SMIM27: variants seen among roughly 807,000 people sequenced by gnomAD.
The protein encoded by SMIM27 is TOPORS antisense RNA 1 (non-protein coding).
A neutral mutation model predicts 1.8 loss-of-function variants in SMIM27; 3 were observed. The observed-to-expected ratio is 1.65, with a 90% CI of 0.75 to 4.28. SMIM27 has a LOEUF of 4.28. Ranked by LOEUF, SMIM27 falls within the 30% of genes most tolerant of loss-of-function variation. The pLI, the probability that SMIM27 is intolerant of heterozygous loss-of-function variation, is 0.02. For synonymous variants in SMIM27, 19 were observed against 13.9 expected, an observed-to-expected ratio of 1.37 and a Z score of -0.82; for missense variants, 63 against 37.0, an observed-to-expected ratio of 1.70 and a Z score of -1.83.
intron 1 of SMIM27, among the ~76,000 whole-genome samples, chr9:32,560,560 T>A (rs1821597436): frequency 6.6e-6 from 1 of 152,214 alleles, no homozygotes; most frequent in Non-Finnish European, 1.5e-5. Flanking sequence ...TAACAGAGGT[T>A]TTAAAAAATT....
intron 1 of SMIM27, chr9:32,565,291 CAA>C (rs373202494): frequency 3.7e-5 from 5 of 136,524 alleles, no homozygotes; most frequent in Non-Finnish European, 3.2e-5. Context: ...GACCCTGTCT[CAA>C]AAAAAAAAAA....
upstream of SMIM27, chr9:32,551,772 A>G (rs1391682222): frequency 2.2e-6 from 1 of 451,578 alleles, no homozygotes; most frequent in Non-Finnish European, 4.5e-6. Flanking sequence ...GACACGCTCA[A>G]CAAACACTTG....
intron 1 of SMIM27, among the ~76,000 whole-genome samples, chr9:32,558,588 T>G (rs150593684): frequency 6.6e-6 from 1 of 152,202 alleles, no homozygotes; most frequent in African/African-American, 2.4e-5. Flanking sequence ...CCCTAAGCTC[T>G]TTACCCAACA....
upstream of SMIM27, chr9:32,551,709 A>G: frequency 2.6e-6 from 1 of 387,302 alleles, no homozygotes; most frequent in Admixed American, 2.6e-5. Flanking sequence ...CTCGCCCACC[A>G]AACTGCCGTG....
chr9:32,552,232 A>G, upstream of SMIM27: 1 of 672,510 alleles, frequency 1.5e-6, no homozygotes, highest in Non-Finnish European at 2.6e-6. Flanking sequence ...CCTCTCTAAA[A>G]GGCGGGCAAG....
chr9:32,552,445 T>G lies in SMIM27; in HGVS notation c.11T>G (p.Val4Gly), dbSNP rs367955235. The stretch of plus-strand genomic sequence containing the variant: ...TGCCGCCTCCTTACCATGAAGCCAG[T>G]AAGTCGTCGCACGCTGGACTGGATT... The part of the protein sequence containing the change: MKP[V>G]SRRTLDWIYS... Residue 4 changes from valine to glycine, a missense_variant, in exon 1 of 2, where the codon GTA (valine) becomes GGA (glycine). Transcript: ENST00000692500. 1.9e-6 allele frequency: 3 copies of G among 1,607,130 alleles called. No individual in the cohort carries two copies. The highest frequency in any genetic ancestry group is 2.5e-6 in the Non-Finnish European group (3 of 1,177,188).
chr9:32,560,348 T>C lies in SMIM27; in HGVS notation c.46-6043T>C, dbSNP rs144039609. ...ACATTACTGTATTAAATTGTCAACC[T>C]AGTGACTGCAGTTTGTTAAATTTGC... On this transcript the variant is annotated intron_variant, in intron 1 of 1. Coordinates refer to the SMIM27 transcript ENST00000451672. Among the ~76,000 whole-genome samples, 9 of 152,358 alleles carry C rather than the reference T, an allele frequency of 5.9e-5. No homozygotes were observed. In the East Asian group the frequency reaches 1.7e-3, roughly 29 times the overall value.
intron 1 of SMIM27, among the ~76,000 whole-genome samples, chr9:32,561,575 C>T (rs1446381206): frequency 1.3e-5 from 2 of 152,106 alleles, no homozygotes; most frequent in African/African-American, 4.8e-5. Flanking sequence ...GCAATCCACC[C>T]GCCTCAGCCT....
At chr9:32,555,252 T>A (rs974984209), downstream of SMIM27, among the ~76,000 whole-genome samples, 1 of 151,950 alleles carries the variant, frequency 6.6e-6, no homozygotes, top group Non-Finnish European at 1.5e-5. Flanking sequence ...ATCTAAAAAA[T>A]AAATAAAAAA....
chr9:32,563,637 C>G lies in SMIM27; in HGVS notation c.46-2754C>G, dbSNP rs536932499. 4.3e-4 allele frequency among the ~76,000 whole-genome samples: 65 copies of G among 152,112 alleles called. 1 individual carries two copies. The highest frequency in any genetic ancestry group is 3.4e-3 in the Admixed American group (52 of 15,266). ...CTGTGCCCAGACTAATGTTAGCATC[C>G]TTTGATGTTCCTTAGCTGAATTAAA... is the stretch of plus-strand genomic sequence containing the variant. On this transcript the variant is annotated intron_variant, in intron 1 of 1. Coordinates refer to the SMIM27 transcript ENST00000451672.
intron 1 of SMIM27, among the ~76,000 whole-genome samples, chr9:32,558,074 C>G (rs1821518822): frequency 6.6e-6 from 1 of 151,472 alleles, no homozygotes; most frequent in Non-Finnish European, 1.5e-5. Context: ...GCTAAAATAA[C>G]TCATTTCAAA....
upstream of SMIM27, among the ~76,000 whole-genome samples, chr9:32,552,017 G>A (rs1821281667): frequency 6.6e-6 from 1 of 151,950 alleles, no homozygotes; most frequent in African/African-American, 2.4e-5. Context: ...GGGAGAAAGC[G>A]TTAATTCTTC....
Sources: allele counts gnomAD v4.1 joint callset (sites outside exome capture counted in the v4.1 genomes callset), GRCh38; gene constraint gnomAD v4.1.1; transcripts MANE v1.5; gene names NCBI Gene and HGNC (gene_info 2026-07-23, HGNC 2026-07-21).